Variants in SLC4A7 observed in about 807,000 individuals in gnomAD.
SLC4A7 encodes the protein sodium bicarbonate cotransporter 3.
A neutral mutation model predicts 137.6 loss-of-function variants in SLC4A7; 51 were observed. That is an observed-to-expected ratio of 0.37 (90% CI 0.30 to 0.47). The LOEUF is 0.47. SLC4A7 is among the 20% of genes least tolerant of loss of function. SLC4A7 has a pLI of 1.00. For missense variants in SLC4A7, 1,247 were observed against 1,525.4 expected (o/e 0.82, Z 3.04); for synonymous variants, 542 against 518.6 (o/e 1.05, Z -0.61).
chr3:27,456,670 C>A (rs372621060), intron 1 of SLC4A7: 6 of 1,609,806 alleles, frequency 3.7e-6, no homozygotes, highest in Non-Finnish European at 4.2e-6. Context: ...CTTCTCCAGA[C>A]GAAATCTTTC....
At chr3:27,423,166 T>A (rs1255984602) in intron 8 of SLC4A7, among the ~76,000 whole-genome samples, 2 of 152,200 alleles carry the variant, frequency 1.3e-5, no homozygotes, top group Admixed American at 6.5e-5. Flanking sequence ...AAAGCTATAA[T>A]GCAAACCATT....
chr3:27,391,423 G>A (rs779219472), intron 21 of SLC4A7, among the ~76,000 whole-genome samples: 1 of 152,166 alleles, frequency 6.6e-6, no homozygotes, highest in Non-Finnish European at 1.5e-5. Flanking sequence ...ACCTTTTTAA[G>A]TACCAAAACT....
rs1295326542 is a variant in SLC4A7, at chr3:27,484,254, C to G, written c.-128G>C. On this transcript the variant is annotated 5_prime_UTR_variant, in exon 1 of 26. Coordinates refer to ENST00000454389, the MANE Select transcript of SLC4A7 (RefSeq NM_001321103.2). ...GGACAAACGTGGGTGCGTCCGTGCGCGAGGTGTGCGCGCGTGGGGAGAGCC... is the reference window on the plus strand; with the variant it reads ...GGACAAACGTGGGTGCGTCCGTGCGGGAGGTGTGCGCGCGTGGGGAGAGCC... 2 of 717,166 alleles carry G rather than the reference C, an allele frequency of 2.8e-6. No individual in the cohort carries two copies. The highest frequency in any genetic ancestry group is 3.8e-6 in the Non-Finnish European group (2 of 525,434). The allele number at this position is 717,166 out of a possible 1,614,324, so 44.4% of individuals were successfully genotyped here.
intron 1 of SLC4A7, among the ~76,000 whole-genome samples, chr3:27,480,691 C>G (rs2059672103): frequency 6.6e-6 from 1 of 152,144 alleles, no homozygotes; most frequent in Non-Finnish European, 1.5e-5. Context: ...ATTCCCCAAA[C>G]AGAATGCCTA....
intron 11 of SLC4A7, among the ~76,000 whole-genome samples, chr3:27,413,986 A>C (rs2054148835): frequency 1.3e-5 from 2 of 152,358 alleles, no homozygotes; most frequent in Admixed American, 6.5e-5. Context: ...AGGATTAAAA[A>C]TACACAGTTG....
chr3:27,452,969 A>C (rs2058175704), intron 1 of SLC4A7, among the ~76,000 whole-genome samples: 1 of 152,214 alleles, frequency 6.6e-6, no homozygotes, highest in Admixed American at 6.5e-5. Context: ...AACATGCAGT[A>C]CCACTTTAAC....
At chr3:27,413,235 A>G (rs1310093741) in intron 11 of SLC4A7, among the ~76,000 whole-genome samples, 1 of 152,198 alleles carries the variant, frequency 6.6e-6, no homozygotes, top group East Asian at 1.9e-4. Context: ...ACATCAGAAA[A>G]AACAGGAAGT....
At chr3:27,447,365 G>C (rs1326111099) in intron 3 of SLC4A7, among the ~76,000 whole-genome samples, 1 of 152,128 alleles carries the variant, frequency 6.6e-6, no homozygotes, top group South Asian at 2.1e-4. Flanking sequence ...CACAGAATTT[G>C]CACTTTAGAT....
chr3:27,474,865 TA>T (rs1287550635), intron 1 of SLC4A7, among the ~76,000 whole-genome samples: 1 of 152,124 alleles, frequency 6.6e-6, no homozygotes, highest in Non-Finnish European at 1.5e-5. Context: ...CTCACACATA[TA>T]ATCCCAGAAC....
chr3:27,380,263 C>T (rs1386296058), intron 24 of SLC4A7, among the ~76,000 whole-genome samples: 1 of 148,678 alleles, frequency 6.7e-6, no homozygotes, highest in Non-Finnish European at 1.5e-5. Context: ...GTCGAGATTG[C>T]ACCACTGCAC....
intron 7 of SLC4A7, among the ~76,000 whole-genome samples, chr3:27,425,854 G>C (rs1347914507): frequency 6.6e-6 from 1 of 151,866 alleles, no homozygotes; most frequent in Non-Finnish European, 1.5e-5. Flanking sequence ...CTAAAACACT[G>C]AACATTATAG....
chr3:27,482,106 C>G (rs954013699), intron 1 of SLC4A7, among the ~76,000 whole-genome samples: 1 of 152,178 alleles, frequency 6.6e-6, no homozygotes, highest in South Asian at 2.1e-4. Context: ...GCGCTCCAGC[C>G]TGGGTGACAG....
chr3:27,442,732 G>A (rs1049341821), intron 3 of SLC4A7, among the ~76,000 whole-genome samples: 12 of 152,100 alleles, frequency 7.9e-5, no homozygotes, highest in African/African-American at 2.4e-4. Context: ...GATTAGGCAC[G>A]CGGACACTTT....
At chr3:27,388,932 G>A (rs1180072840) in intron 22 of SLC4A7, among the ~76,000 whole-genome samples, 31 of 112,240 alleles carry the variant, frequency 2.8e-4, no homozygotes, top group Admixed American at 1.1e-3. Flanking sequence ...CTCTGCTCTA[G>A]ATATTCAAAT....
chr3:27,403,847 C>A (rs528907442), intron 14 of SLC4A7, among the ~76,000 whole-genome samples: 1 of 152,260 alleles, frequency 6.6e-6, no homozygotes, highest in South Asian at 2.1e-4. Context: ...TCCTCTCCCA[C>A]CATTATCACC....
In SLC4A7 at chr3:27,373,070, G is replaced by GAA. The variant is rs11401312; in HGVS notation, c.*3692_*3693dup. 4,489 of 138,636 alleles carry GAA rather than the reference G, an allele frequency of 0.032. 226 individuals carry two copies. Among genetic ancestry groups the GAA allele is most frequent in the African/African-American group, 0.11 (4,040 of 37,708 alleles). 8.6% of individuals were successfully genotyped at this position (138,636 alleles called of 1,614,324 possible). A position where few individuals can be genotyped will look rare whatever the true frequency, so the allele number is the denominator to read the frequency against. On this transcript the variant is annotated 3_prime_UTR_variant, in exon 26 of 26. Transcript: ENST00000454389. ...GGAAGACAATCTCCCCCATGGGGAA[G>GAA]AAAAAAAAAAAAAACCTTGAATAAT...
At chr3:27,459,221 C>T (rs996135877) in intron 1 of SLC4A7, among the ~76,000 whole-genome samples, 2 of 152,052 alleles carry the variant, frequency 1.3e-5, no homozygotes, top group Admixed American at 6.6e-5. Context: ...ACTAGGTGCA[C>T]GTAGACTTTT....
At chr3:27,468,175 C>T (rs1360557620) in intron 1 of SLC4A7, among the ~76,000 whole-genome samples, 5 of 152,030 alleles carry the variant, frequency 3.3e-5, no homozygotes, top group African/African-American at 7.2e-5. Flanking sequence ...GTGATCCGCC[C>T]GCCTCGGCCT....
At chr3:27,399,254 C>G (rs1251138545) in intron 16 of SLC4A7, among the ~76,000 whole-genome samples, 1 of 152,164 alleles carries the variant, frequency 6.6e-6, no homozygotes. Context: ...AAAACCCACC[C>G]TGCATGGCCC....
Sources: allele counts gnomAD v4.1 joint callset (sites outside exome capture counted in the v4.1 genomes callset), GRCh38; gene constraint gnomAD v4.1.1; transcripts MANE v1.5; gene names NCBI Gene and HGNC (gene_info 2026-07-23, HGNC 2026-07-21).